DTWD1: variants seen among roughly 807,000 people sequenced by gnomAD.
DTWD1 encodes DTW motif tRNA-uridine aminocarboxypropyltransferase 1.
A neutral mutation model predicts 30.2 loss-of-function variants in DTWD1; 27 were observed. The observed-to-expected ratio is 0.90, with a 90% CI of 0.66 to 1.23. DTWD1 has a LOEUF of 1.23. Ranked by LOEUF, DTWD1 falls within the 50% of genes most tolerant of loss-of-function variation. The pLI is 0.00. For synonymous variants in DTWD1, 99 were observed against 113.1 expected (o/e 0.88, Z 0.79); for missense variants, 342 against 348.8 (o/e 0.98, Z 0.15).
chr15:49,633,236 AG>A (rs1440371454), intron 3 of DTWD1, among the ~76,000 whole-genome samples: 2 of 151,936 alleles, frequency 1.3e-5, no homozygotes, highest in Non-Finnish European at 2.9e-5. Context: ...TTATAATTTA[AG>A]AAAATTCAGA....
chr15:49,631,278 C>T (rs143901632), intron 2 of DTWD1, among the ~76,000 whole-genome samples: 12 of 152,250 alleles, frequency 7.9e-5, no homozygotes, highest in Non-Finnish European at 1.5e-4. Context: ...ATAAAGATTA[C>T]ACCTCTTAGG....
Position 49,646,321 on chromosome 15 carries a change from C to T in DTWD1, c.*2743C>T, listed in dbSNP as rs1219949450. ...GCTATAGATATCTCATCTTTGGATG[C>T]ATTATCAGATCATCTTCTTCAAGTA... On this transcript the variant is annotated 3_prime_UTR_variant, in exon 5 of 5. Coordinates refer to ENST00000403028, the MANE Select transcript of DTWD1 (RefSeq NM_001144955.2). 2 of 152,190 alleles carry T rather than the reference C, an allele frequency of 1.3e-5. No individual in the cohort carries two copies. The highest frequency in any genetic ancestry group is 2.9e-5 in the Non-Finnish European group (2 of 68,026). 9.4% of individuals were successfully genotyped at this position (152,190 alleles called of 1,614,324 possible).
chr15:49,626,428 T>C (rs774698479), intron 2 of DTWD1, among the ~76,000 whole-genome samples: 150 of 152,030 alleles, frequency 9.9e-4, no homozygotes, highest in Non-Finnish European at 1.4e-3. Flanking sequence ...TTTATACTTT[T>C]TGGGCTCACC....
chr15:49,633,066 T>G (rs2078951254), intron 3 of DTWD1, among the ~76,000 whole-genome samples: 4 of 146,776 alleles, frequency 2.7e-5, no homozygotes, highest in South Asian at 2.1e-4. Flanking sequence ...TATATATATA[T>G]ATATGTATTT....
intron 3 of DTWD1, 66 bp from the exon 4 acceptor site, chr15:49,634,470 C>T: frequency 3.4e-6 from 5 of 1,463,840 alleles, no homozygotes; most frequent in Non-Finnish European, 4.5e-6. Context: ...AATTTTAAGT[C>T]AATCAAAATT....
At chr15:49,622,421 A>G (rs1485570669) in intron 1 of DTWD1, among the ~76,000 whole-genome samples, 20 of 152,214 alleles carry the variant, frequency 1.3e-4, no homozygotes, top group Non-Finnish European at 2.6e-4. Context: ...TACAAGGTAG[A>G]TGCAACTTGG....
At chr15:49,639,903 G>T (rs746587069) in intron 4 of DTWD1, among the ~76,000 whole-genome samples, 15 of 152,096 alleles carry the variant, frequency 9.9e-5, no homozygotes, top group Non-Finnish European at 2.1e-4. Flanking sequence ...CACTAAATAA[G>T]CAAAGAGGTT....
Position 49,638,463 on chromosome 15 carries a change from C to G in DTWD1, c.667+3669C>G, listed in dbSNP as rs112241162. Among the ~76,000 whole-genome samples, 708 of 152,292 alleles carry G rather than the reference C, an allele frequency of 4.6e-3. 8 individuals carry two copies. Among genetic ancestry groups the G allele is most frequent in the African/African-American group, 0.016 (670 of 41,546 alleles). ...TGCATGACCTACTTCAACCCCTGTC[C>G]TTTGTGGCTCTTCATTGCACCACAG... On this transcript the variant is annotated intron_variant, in intron 4 of 4. Coordinates refer to ENST00000403028, the MANE Select transcript of DTWD1 (RefSeq NM_001144955.2).
In DTWD1 at chr15:49,634,568, C is replaced by G; in HGVS notation, c.441C>G (p.Ile147Met). 6.2e-7 allele frequency: 1 copy of G among 1,612,044 alleles called. No individual in the cohort carries two copies. The highest frequency in any genetic ancestry group is 8.5e-7 in the Non-Finnish European group (1 of 1,179,178). The change falls in exon 4 of 5, where the codon ATC becomes ATG. Residue 147 changes from isoleucine (I) to methionine (M), a missense_variant. Physicochemically the swap from Ile to Met is conservative, Grantham distance 10. Transcript: ENST00000403028. ...VALIFPGPQS[I>M]SIKDISFHLQ... ...TCATTTTTCCTGGACCTCAGTCTAT[C>G]TCAATAAAAGATATTTCTTTTCATC...
intron 2 of DTWD1, chr15:49,626,601 C>T (rs1308130931): frequency 4.1e-6 from 1 of 245,988 alleles, no homozygotes; most frequent in East Asian, 8.2e-5. Flanking sequence ...AGACTAAATT[C>T]TACACATGGA....
rs2079128283 is a variant in DTWD1, at chr15:49,647,637, T to G, written c.*4059T>G. Reference sequence around the variant, plus strand: ...ACAATTAAAAGACCCTAGTGAAAACTTTAACCAAACACTTACTGACCCTAC... The same window carrying G: ...ACAATTAAAAGACCCTAGTGAAAACGTTAACCAAACACTTACTGACCCTAC... On this transcript the variant is annotated 3_prime_UTR_variant, in exon 5 of 5. Coordinates refer to ENST00000403028, the MANE Select transcript of DTWD1 (RefSeq NM_001144955.2). The G allele has an allele frequency of 6.6e-6, 1 of 152,070 alleles. No homozygotes were observed. The highest frequency in any genetic ancestry group is 2.4e-5 in the African/African-American group (1 of 41,390). 9.4% of individuals were successfully genotyped at this position (152,070 alleles called of 1,614,324 possible).
intron 1 of DTWD1, among the ~76,000 whole-genome samples, chr15:49,624,803 A>G (rs781306410): frequency 5.3e-5 from 8 of 152,220 alleles, no homozygotes; most frequent in Non-Finnish European, 1.2e-4. Flanking sequence ...AGGGTTGAAT[A>G]TATCCCTGTC....
In DTWD1 at chr15:49,625,165, A is replaced by G. The variant is rs1409538341; in HGVS notation, c.-3A>G. ...AGCCGTTAAACTTTGGTTTGAATGA[A>G]GAATGTCTCTCAATCCACCTATATT... On this transcript the variant is annotated 5_prime_UTR_variant, in exon 2 of 5. Coordinates refer to ENST00000403028, the MANE Select transcript of DTWD1 (RefSeq NM_001144955.2). The G allele has an allele frequency of 6.2e-7, 1 of 1,611,564 alleles. No individual in the cohort carries two copies. Among genetic ancestry groups the G allele is most frequent in the South Asian group, 1.1e-5 (1 of 90,916 alleles).
rs1170917749 is a variant in DTWD1 at position 49,644,187 on chromosome 15, T to G, written c.*609T>G. The G allele has an allele frequency of 6.6e-6, 1 of 152,208 alleles. No individual in the cohort carries two copies. The highest frequency in any genetic ancestry group is 1.5e-5 in the Non-Finnish European group (1 of 68,032). 9.4% of individuals were successfully genotyped at this position (152,208 alleles called of 1,614,324 possible). On this transcript the variant is annotated 3_prime_UTR_variant, in exon 5 of 5. Transcript: ENST00000403028. Reference sequence around the variant, plus strand: ...TACAAAGCAGGCAATACTGAGCAACTACCTTATAGGAATAACTGAGTTAAT... The same window carrying G: ...TACAAAGCAGGCAATACTGAGCAACGACCTTATAGGAATAACTGAGTTAAT...
intron 4 of DTWD1, among the ~76,000 whole-genome samples, chr15:49,639,978 T>TAC (rs560408520): frequency 6.6e-6 from 1 of 151,988 alleles, no homozygotes; most frequent in Non-Finnish European, 1.5e-5. Context: ...AAATAATATA[T>TAC]ACACACACAC....
At chr15:49,632,953 T>G (rs894451792) in intron 3 of DTWD1, among the ~76,000 whole-genome samples, 1 of 151,534 alleles carries the variant, frequency 6.6e-6, no homozygotes, top group African/African-American at 2.4e-5. Context: ...GGCCATTTGT[T>G]GGTGTGGCTA....
Position 49,626,096 on chromosome 15 carries a change from A to T in DTWD1, c.264+665A>T, listed in dbSNP as rs542122596. Among the ~76,000 whole-genome samples the T allele has an allele frequency of 1.2e-3, 188 of 152,226 alleles. 2 individuals carry two copies. The highest frequency in any genetic ancestry group is 1.6e-3 in the Non-Finnish European group (111 of 68,010). The stretch of plus-strand genomic sequence containing the variant: ...TGAAATGGTGTTTTTAATGAAACCA[A>T]TTAATTTTTCATTAATGATTTTAAT... On this transcript the variant is annotated intron_variant, in intron 2 of 4. Coordinates refer to ENST00000403028, the MANE Select transcript of DTWD1 (RefSeq NM_001144955.2).
Position 49,643,315 on chromosome 15 carries a change from T to C in DTWD1, c.668-16T>C. 1.4e-6 allele frequency: 2 copies of C among 1,439,234 alleles called. No individual in the cohort carries two copies. Among genetic ancestry groups the C allele is most frequent in the Non-Finnish European group, 1.8e-6 (2 of 1,103,284 alleles). 89.2% of individuals were successfully genotyped at this position (1,439,234 alleles called of 1,614,324 possible). ...TTTTCTTTCTTTCTTTCTTTTTTTT[T>C]TTTTTTTTTTGACAGGGTTGTTACA... On this transcript the variant is annotated splice_polypyrimidine_tract_variant and intron_variant, in intron 4 of 4. Coordinates refer to ENST00000403028, the MANE Select transcript of DTWD1 (RefSeq NM_001144955.2).
At chr15:49,636,981 A>G (rs1354608820) in intron 4 of DTWD1, among the ~76,000 whole-genome samples, 2 of 152,156 alleles carry the variant, frequency 1.3e-5, no homozygotes, top group Non-Finnish European at 2.9e-5. Context: ...TTTCCCAAAA[A>G]CTTTTCACCA....
Sources: gnomAD v4.1 joint callset for allele counts (sites outside exome capture counted in the v4.1 genomes callset) on GRCh38, gnomAD v4.1.1 for gene constraint, MANE v1.5 for transcripts, NCBI Gene and HGNC (gene_info 2026-07-23, HGNC 2026-07-21) for gene names.